The following DOP1B variants were observed in gnomAD, a reference collection of about 807,000 sequenced individuals.
DOP1B encodes the protein protein DOP1B.
A neutral mutation model predicts 233.5 loss-of-function variants in DOP1B; 174 were observed. That is an observed-to-expected ratio of 0.75 (90% confidence interval 0.66 to 0.85). The LOEUF (loss-of-function observed/expected upper bound fraction) is 0.85, where lower values mean the gene tolerates loss of function less well. DOP1B is among the 40% of genes least tolerant of loss of function. The pLI is 0.00. For missense variants in DOP1B, 2,652 were observed against 2,846.6 expected (o/e 0.93, Z 1.56); for synonymous variants, 1,190 against 1,185.6 (o/e 1.00, Z -0.08).
chr21:36,204,681 G>A (rs2066408121), intron 4 of DOP1B, among the ~76,000 whole-genome samples: 1 of 24,736 alleles, frequency 4.0e-5, no homozygotes, highest in African/African-American at 3.4e-4. Context: ...TTTTGAGACA[G>A]TCTCGCTCTG....
At chr21:36,267,155 G>C (rs1052413079) in intron 26 of DOP1B, among the ~76,000 whole-genome samples, 11 of 152,198 alleles carry the variant, frequency 7.2e-5, no homozygotes, top group African/African-American at 2.7e-4. Flanking sequence ...TGATGACACT[G>C]GCTGAGAAGC....
chr21:36,202,135 C>T (rs1427143793), intron 4 of DOP1B, among the ~76,000 whole-genome samples: 1 of 152,008 alleles, frequency 6.6e-6, no homozygotes, highest in African/African-American at 2.4e-5. Context: ...TGCAGCGAGC[C>T]GAGATTGCAC....
At chr21:36,161,843 C>T (rs911106935) in intron 1 of DOP1B, among the ~76,000 whole-genome samples, 1 of 152,180 alleles carries the variant, frequency 6.6e-6, no homozygotes, top group Non-Finnish European at 1.5e-5. Context: ...CATTTCATAT[C>T]AATGGAATCA....
chr21:36,252,136 C>CACTGCATTCCAGCCTGGGCG (rs2067038390), intron 22 of DOP1B, among the ~76,000 whole-genome samples: 1 of 151,416 alleles, frequency 6.6e-6, no homozygotes, highest in Non-Finnish European at 1.5e-5. Context: ...ATGATTGTGC[C>CACTGCATTCCAGCCTGGGCG]ACTGCATTCC....
At chr21:36,186,589 A>G (rs571377728) in intron 2 of DOP1B, among the ~76,000 whole-genome samples, 2 of 152,250 alleles carry the variant, frequency 1.3e-5, no homozygotes, top group Non-Finnish European at 2.9e-5. Flanking sequence ...CGACCAGCTT[A>G]TGAGTAGGTG....
At chr21:36,201,436 C>T (rs1329603327) in intron 4 of DOP1B, among the ~76,000 whole-genome samples, 1 of 149,068 alleles carries the variant, frequency 6.7e-6, no homozygotes, top group Non-Finnish European at 1.5e-5. Context: ...CAACCTCCGC[C>T]TCCTGGGTTC....
chr21:36,277,788 G>A (rs956649668), intron 28 of DOP1B, among the ~76,000 whole-genome samples, 187 bp from the exon 29 acceptor site: 15 of 151,880 alleles, frequency 9.9e-5, no homozygotes, highest in African/African-American at 3.6e-4. Flanking sequence ...CTGAGTAGCT[G>A]GGATTACAGG....
At chr21:36,176,730 G>A (rs1186187267) in intron 2 of DOP1B, among the ~76,000 whole-genome samples, 1 of 152,162 alleles carries the variant, frequency 6.6e-6, no homozygotes, top group African/African-American at 2.4e-5. Context: ...GGCCAGCCCA[G>A]CATCCATTTG....
At chr21:36,291,614 T>C (rs1318917243) in intron 35 of DOP1B, among the ~76,000 whole-genome samples, 2 of 152,070 alleles carry the variant, frequency 1.3e-5, no homozygotes, top group Non-Finnish European at 2.9e-5. Flanking sequence ...ACATTATTTA[T>C]AATAGGCAAG....
At chr21:36,209,055 C>T (rs772702729) in intron 5 of DOP1B, 151 bp downstream of exon 5, 35 of 855,270 alleles carry the variant, frequency 4.1e-5, no homozygotes, top group Non-Finnish European at 4.5e-5. Context: ...CTGAGCAAGG[C>T]GAGAAGGAGG....
chr21:36,222,351 G>C (rs989653150), intron 10 of DOP1B, among the ~76,000 whole-genome samples: 1 of 151,884 alleles, frequency 6.6e-6, no homozygotes, highest in Admixed American at 6.6e-5. Flanking sequence ...GGCTGAGGCA[G>C]GTGGATCACT....
chr21:36,234,053 C>T (rs192882679), intron 15 of DOP1B, among the ~76,000 whole-genome samples: 6 of 152,100 alleles, frequency 3.9e-5, no homozygotes, highest in African/African-American at 1.2e-4. Flanking sequence ...GGGGTTTTAC[C>T]GCATTGGCCA....
intron 7 of DOP1B, among the ~76,000 whole-genome samples, chr21:36,212,542 C>A (rs1356182672): frequency 6.6e-6 from 1 of 152,150 alleles, no homozygotes; most frequent in African/African-American, 2.4e-5. Flanking sequence ...CTTTGGAGAT[C>A]ACGAGAGCCC....
In DOP1B at chr21:36,231,752, AC is replaced by A. The variant is rs958922926; in HGVS notation, c.2350+619del. Among the ~76,000 whole-genome samples, 31 of 146,280 alleles carry A rather than the reference AC, an allele frequency of 2.1e-4. No individual in the cohort carries two copies. In the Middle Eastern group the frequency reaches 0.011, roughly 52 times the overall value. The stretch of plus-strand genomic sequence containing the variant: ...GAGTGTGGTGACACCAACTCAGCTC[AC>A]TGCAACCTCCGCCTCCTGGGTTCAA... On this transcript the variant is annotated intron_variant, in intron 14 of 36. Transcript: ENST00000691173.
rs146478338 is a variant in DOP1B at position 36,251,427 on chromosome 21, T to G, written c.5121+143T>G. 1.2e-3 allele frequency: 1,543 copies of G among 1,289,010 alleles called. 14 individuals carry two copies. In the African/African-American group the frequency reaches 0.019, roughly 16 times the overall value. The allele number at this position is 1,289,010 out of a possible 1,614,324, so 79.8% of individuals were successfully genotyped here. On this transcript the variant is annotated intron_variant, in intron 22 of 36. Transcript: ENST00000691173. ...AATCATTTTATCTTATTTTATTTCT[T>G]TATCTATTTGAGATGGAGTCTCTCT...
chr21:36,183,651 C>T (rs1211801885), intron 2 of DOP1B, among the ~76,000 whole-genome samples: 1 of 152,256 alleles, frequency 6.6e-6, no homozygotes, highest in Non-Finnish European at 1.5e-5. Flanking sequence ...GGCACCATTC[C>T]AACTACGGAA....
chr21:36,270,778 G>A (rs62232376), intron 27 of DOP1B, among the ~76,000 whole-genome samples: 58,978 of 150,034 alleles, frequency 0.39, 11,877 homozygotes, highest in African/African-American at 0.44. Context: ...GCCGCGCGTG[G>A]TAGTGGGCGC....
chr21:36,280,239 A>G lies in DOP1B; in HGVS notation c.5970-46A>G, dbSNP rs762847961. The G allele has an allele frequency of 6.7e-6, 9 of 1,337,602 alleles. No individual in the cohort carries two copies. In the African/African-American group the frequency reaches 1.0e-4, roughly 15 times the overall value. The allele number at this position is 1,337,602 out of a possible 1,614,324, so 82.9% of individuals were successfully genotyped here. On this transcript the variant is annotated intron_variant, in intron 30 of 36. Coordinates refer to ENST00000691173, the MANE Select transcript of DOP1B (RefSeq NM_001320714.2). The stretch of plus-strand genomic sequence containing the variant: ...TTTTCTTAATGTTTTGAATCAAACT[A>G]TCATCCACTGCAAATTTAATTGATT...
In DOP1B at chr21:36,248,394, T is replaced by A; in HGVS notation, c.4824T>A (p.Gly1608=). The part of the protein sequence containing the change: ...ANQNKKTMAA[G]DPANLRNARN... Reference sequence around the variant, plus strand: ...TTAATTTTTAGACCATGGCTGCAGGTGATCCTGCCAACTTGAGGAATGCCA... The same window carrying A: ...TTAATTTTTAGACCATGGCTGCAGGAGATCCTGCCAACTTGAGGAATGCCA... Residue 1608 remains glycine, a synonymous_variant, in exon 21 of 37, where the codon GGT becomes GGA. Transcript: ENST00000691173. 3.7e-6 allele frequency: 6 copies of A among 1,613,730 alleles called. No homozygotes were observed. The highest frequency in any genetic ancestry group is 5.1e-6 in the Non-Finnish European group (6 of 1,179,888).
Sources: allele counts gnomAD v4.1 joint callset (sites outside exome capture counted in the v4.1 genomes callset), GRCh38; gene constraint gnomAD v4.1.1; transcripts MANE v1.5; gene names NCBI Gene and HGNC (gene_info 2026-07-23, HGNC 2026-07-21).